The following CSMD3 variants were observed in gnomAD, a reference collection of about 807,000 sequenced individuals.
CSMD3 encodes CUB and sushi domain-containing protein 3.
In CSMD3, 177 loss-of-function variants were observed where a neutral mutation model predicts 435.2. The observed-to-expected ratio is 0.41, with a 90% confidence interval of 0.36 to 0.46. The LOEUF (loss-of-function observed/expected upper bound fraction) is 0.46, where lower values mean the gene tolerates loss of function less well. Among genes scored for constraint, CSMD3 ranks in the 20% least tolerant of loss-of-function variants. The pLI, the probability that CSMD3 is intolerant of heterozygous loss-of-function variation, is 0.34. For missense variants in CSMD3, 4,265 were observed against 4,504.6 expected (o/e 0.95, Z 1.52); for synonymous variants, 1,656 against 1,520.5 (o/e 1.09, Z -2.07).
At chr8:113,137,236 A>C (rs1311633330) in intron 4 of CSMD3, among the ~76,000 whole-genome samples, 1 of 151,680 alleles carries the variant, frequency 6.6e-6, no homozygotes, top group Non-Finnish European at 1.5e-5. Flanking sequence ...ACTAAGTTTA[A>C]GAGTTTAAAA....
At chr8:112,708,790 AG>A (rs899058008) in intron 13 of CSMD3, among the ~76,000 whole-genome samples, 4 of 151,856 alleles carry the variant, frequency 2.6e-5, no homozygotes, top group African/African-American at 4.8e-5. Flanking sequence ...AGAGCAAAAA[AG>A]GTCGGACTTG....
At chr8:112,563,299 C>A (rs1586690464) in intron 24 of CSMD3, among the ~76,000 whole-genome samples, 1 of 151,748 alleles carries the variant, frequency 6.6e-6, no homozygotes, top group Non-Finnish European at 1.5e-5. Flanking sequence ...AGAAGACAAT[C>A]CCTTCCAGTT....
chr8:112,757,145 A>G (rs2077719697), intron 13 of CSMD3, among the ~76,000 whole-genome samples: 1 of 152,220 alleles, frequency 6.6e-6, no homozygotes, highest in African/African-American at 2.4e-5. Context: ...TTAATACTTT[A>G]TTTTATCCTA....
At chr8:112,938,586 G>C (rs1393086455) in intron 9 of CSMD3, among the ~76,000 whole-genome samples, 3 of 152,124 alleles carry the variant, frequency 2.0e-5, no homozygotes, top group African/African-American at 7.2e-5. Flanking sequence ...AAGGGTGGAG[G>C]CATTTGGAAG....
intron 5 of CSMD3, among the ~76,000 whole-genome samples, chr8:113,083,951 C>T (rs1233767034): frequency 1.3e-5 from 2 of 151,736 alleles, no homozygotes; most frequent in Non-Finnish European, 2.9e-5. Flanking sequence ...CCAGTCTGGA[C>T]AACAGAGCAA....
chr8:112,677,212 G>T (rs2075787935), intron 16 of CSMD3, among the ~76,000 whole-genome samples: 1 of 151,806 alleles, frequency 6.6e-6, no homozygotes, highest in African/African-American at 2.4e-5. Context: ...AAGGAAAATA[G>T]AAAGGGAGAG....
chr8:112,817,942 T>A (rs916716918), intron 12 of CSMD3, among the ~76,000 whole-genome samples: 4 of 152,068 alleles, frequency 2.6e-5, no homozygotes, highest in Admixed American at 6.6e-5. Context: ...ATATGGCACA[T>A]TTCAATTATT....
At chr8:113,018,958 C>A (rs552218321) in intron 6 of CSMD3, 109 bp downstream of exon 6, 3 of 784,206 alleles carry the variant, frequency 3.8e-6, no homozygotes, top group South Asian at 1.4e-5. Flanking sequence ...TTTTTCAATA[C>A]AAATTCCAAT....
chr8:112,448,701 A>C (rs11779960), intron 32 of CSMD3, among the ~76,000 whole-genome samples: 34,451 of 150,796 alleles, frequency 0.23, 4,217 homozygotes, highest in East Asian at 0.39. Flanking sequence ...AATTTGTTAC[A>C]CCAGCCCTAA....
chr8:112,953,552 T>A (rs1180891790), intron 8 of CSMD3, among the ~76,000 whole-genome samples: 17 of 151,428 alleles, frequency 1.1e-4, no homozygotes, highest in Admixed American at 1.1e-3. Context: ...CCTAGTGATA[T>A]CTCTTCTGGT....
At chr8:113,395,018 A>G (rs2094476826) in intron 1 of CSMD3, among the ~76,000 whole-genome samples, 2 of 152,214 alleles carry the variant, frequency 1.3e-5, no homozygotes, top group South Asian at 2.1e-4. Flanking sequence ...TAAAAATGCC[A>G]TAAATTACAA....
At chr8:113,311,899 G>C (rs1006115880) in intron 2 of CSMD3, 3 of 151,958 alleles carry the variant, frequency 2.0e-5, no homozygotes, top group Non-Finnish European at 4.4e-5. Context: ...TTGTCATTTT[G>C]CTTGTATAAA....
intron 5 of CSMD3, among the ~76,000 whole-genome samples, chr8:113,094,617 CAATT>C (rs2090106738): frequency 2.0e-5 from 3 of 152,034 alleles, no homozygotes; most frequent in African/African-American, 7.3e-5. Context: ...GTATTTGTAT[CAATT>C]AATTTACTAT....
chr8:113,128,326 T>C (rs1289716552), intron 4 of CSMD3, among the ~76,000 whole-genome samples: 1 of 151,900 alleles, frequency 6.6e-6, no homozygotes, highest in Non-Finnish European at 1.5e-5. Context: ...GGCAAAAAAA[T>C]ACACATTTAT....
intron 70 of CSMD3, among the ~76,000 whole-genome samples, 197 bp downstream of exon 70, chr8:112,228,559 A>G (rs1812787189): frequency 6.6e-6 from 1 of 152,228 alleles, no homozygotes; most frequent in African/African-American, 2.4e-5. Context: ...TTAACAGAGC[A>G]CTTTTGTTAT....
intron 22 of CSMD3, among the ~76,000 whole-genome samples, chr8:112,588,828 T>TGC (rs1830945069): frequency 6.6e-6 from 1 of 152,108 alleles, no homozygotes; most frequent in Non-Finnish European, 1.5e-5. Context: ...CTTTCATCCA[T>TGC]ATAGTGCAAC....
chr8:112,642,656 G>A (rs1310671002), intron 20 of CSMD3, among the ~76,000 whole-genome samples: 1 of 151,908 alleles, frequency 6.6e-6, no homozygotes, highest in African/African-American at 2.4e-5. Context: ...GATCTCATAG[G>A]AACTCTGAAT....
At chr8:112,760,246 T>C (rs1013684505) in intron 13 of CSMD3, among the ~76,000 whole-genome samples, 1 of 152,186 alleles carries the variant, frequency 6.6e-6, no homozygotes, top group Non-Finnish European at 1.5e-5. Flanking sequence ...GATGAATTAA[T>C]ATGTACTTTT....
chr8:112,833,881 C>G (rs952664534), intron 11 of CSMD3, among the ~76,000 whole-genome samples: 11 of 151,928 alleles, frequency 7.2e-5, no homozygotes, highest in Non-Finnish European at 1.0e-4. Flanking sequence ...CTTCATCACC[C>G]CAACCTATTT....
Sources: gnomAD v4.1 joint callset for allele counts (sites outside exome capture counted in the v4.1 genomes callset) on GRCh38, gnomAD v4.1.1 for gene constraint, MANE v1.5 for transcripts, NCBI Gene and HGNC (gene_info 2026-07-23, HGNC 2026-07-21) for gene names.